Variants in RIC1 observed in about 807,000 individuals in gnomAD.
The protein encoded by RIC1 is RIC1 partner of RAB6A GEF complex, also known as guanine nucleotide exchange factor subunit RIC1.
In RIC1, 88 loss-of-function variants were observed where a neutral mutation model predicts 169.0. That is an observed-to-expected ratio of 0.52 (90% confidence interval 0.44 to 0.62). The LOEUF (loss-of-function observed/expected upper bound fraction) is 0.62. Among genes scored for constraint, RIC1 ranks in the 20% least tolerant of loss-of-function variants. The pLI is 0.00. For missense variants in RIC1, 1,877 were observed against 1,725.5 expected, an observed-to-expected ratio of 1.09 and a Z score of -1.56; for synonymous variants, 790 against 601.5, an observed-to-expected ratio of 1.31 and a Z score of -4.59.
intron 2 of RIC1, among the ~76,000 whole-genome samples, chr9:5,684,186 G>C (rs910591000): frequency 7.6e-5 from 11 of 143,988 alleles, no homozygotes; most frequent in African/African-American, 1.8e-4. Flanking sequence ...CGGCATCTCA[G>C]TTGTAAATGC....
chr9:5,707,966 C>T (rs575705815), intron 3 of RIC1, among the ~76,000 whole-genome samples: 3 of 151,980 alleles, frequency 2.0e-5, no homozygotes, highest in Admixed American at 2.0e-4. Flanking sequence ...TCCACTGCTG[C>T]CTTTTTGTTG....
intron 12 of RIC1, among the ~76,000 whole-genome samples, chr9:5,752,638 G>A (rs1825790822): frequency 6.6e-6 from 1 of 152,080 alleles, no homozygotes; most frequent in African/African-American, 2.4e-5. Flanking sequence ...ATTTCGCCAT[G>A]TTGGTCAGGC....
At chr9:5,736,228 A>G (rs1335819817) in intron 7 of RIC1, among the ~76,000 whole-genome samples, 2 of 152,226 alleles carry the variant, frequency 1.3e-5, no homozygotes, top group African/African-American at 4.8e-5. Context: ...TCTCTCAGCA[A>G]GAGTTGATCT....
At chr9:5,738,259 G>T (rs960848813) in intron 7 of RIC1, among the ~76,000 whole-genome samples, 191 bp from the exon 8 acceptor site, 2 of 152,064 alleles carry the variant, frequency 1.3e-5, no homozygotes, top group Admixed American at 1.3e-4. Flanking sequence ...TAATTTCTGG[G>T]ATATATCTGG....
chr9:5,762,863 A>G (rs943614334), intron 18 of RIC1, among the ~76,000 whole-genome samples: 2 of 152,224 alleles, frequency 1.3e-5, no homozygotes, highest in African/African-American at 2.4e-5. Flanking sequence ...TCCATACTCC[A>G]TATGTTAACT....
chr9:5,678,101 GT>G (rs1001073323), intron 2 of RIC1, among the ~76,000 whole-genome samples: 3 of 151,170 alleles, frequency 2.0e-5, no homozygotes, highest in Non-Finnish European at 4.4e-5. Context: ...TGCGGTGTTT[GT>G]TTTTTTGTCC....
chr9:5,679,650 T>C lies in RIC1; in HGVS notation c.253-10309T>C, dbSNP rs566793892. The stretch of plus-strand genomic sequence containing the variant: ...GATTTGGCTCTGTGTTTGTCTGTTA[T>C]TGGTGTATAAGAATGCTTGTGATTT... On this transcript the variant is annotated intron_variant, in intron 2 of 25. Coordinates refer to ENST00000414202, the MANE Select transcript of RIC1 (RefSeq NM_020829.4). Among the ~76,000 whole-genome samples the C allele has an allele frequency of 4.4e-3, 664 of 152,328 alleles. 4 individuals carry two copies. The highest frequency in any genetic ancestry group is 7.3e-3 in the Non-Finnish European group (496 of 68,026).
At position 5,711,205 on chromosome 9, in the gene RIC1, A is replaced by G. The variant is rs553537870; in HGVS notation, c.333-2691A>G. ...GAGCTAGTCTGTGAATAGGAATGTCATTGAACTCCACAGCCACACTTGAGA... is the reference window on the plus strand; with the variant it reads ...GAGCTAGTCTGTGAATAGGAATGTCGTTGAACTCCACAGCCACACTTGAGA... On this transcript the variant is annotated intron_variant, in intron 3 of 25. Coordinates refer to ENST00000414202, the MANE Select transcript of RIC1 (RefSeq NM_020829.4). Among the ~76,000 whole-genome samples, 3 of 152,300 alleles carry G rather than the reference A, an allele frequency of 2.0e-5. 1 individual carries two copies. The South Asian group carries it at 6.2e-4, about 32-fold the overall frequency.
intron 1 of RIC1, among the ~76,000 whole-genome samples, chr9:5,632,688 G>T (rs745685441): frequency 2.0e-5 from 3 of 152,132 alleles, no homozygotes; most frequent in Non-Finnish European, 4.4e-5. Context: ...ATTGTAAAAG[G>T]ACTAGTTTCA....
intron 3 of RIC1, among the ~76,000 whole-genome samples, chr9:5,690,656 T>C (rs528703272): frequency 2.2e-4 from 34 of 151,634 alleles, no homozygotes; most frequent in South Asian, 1.2e-3. Context: ...CAAAGTTTAA[T>C]AGGTATATAA....
intron 3 of RIC1, among the ~76,000 whole-genome samples, chr9:5,705,621 CTT>C (rs547824604): frequency 5.3e-4 from 81 of 152,100 alleles, no homozygotes; most frequent in Admixed American, 9.2e-4. Context: ...TGTTGGATGA[CTT>C]TTCTTTTTCT....
At position 5,756,914 on chromosome 9, in the gene RIC1, G is replaced by C. The variant is rs560741384; in HGVS notation, c.1854-399G>C. ...CTCTTGAGTTTTATTTTTGTTCTCA[G>C]AGGTTAATTGAAGTATGTATTTACT... On this transcript the variant is annotated intron_variant, in intron 16 of 25. Coordinates refer to ENST00000414202, the MANE Select transcript of RIC1 (RefSeq NM_020829.4). Among the ~76,000 whole-genome samples, 5 of 152,278 alleles carry C rather than the reference G, an allele frequency of 3.3e-5. No individual in the cohort carries two copies. In the East Asian group the frequency reaches 9.6e-4, roughly 29 times the overall value.
At position 5,763,974 on chromosome 9, in the gene RIC1, C is replaced by CA; in HGVS notation, c.2841+109dup. 7.9e-7 allele frequency: 1 copy of CA among 1,271,738 alleles called. No individual in the cohort carries two copies. Among genetic ancestry groups the CA allele is most frequent in the East Asian group, 2.3e-5 (1 of 42,612 alleles). The allele number at this position is 1,271,738 out of a possible 1,614,324, so 78.8% of individuals were successfully genotyped here. On this transcript the variant is annotated intron_variant, in intron 19 of 25. Coordinates refer to ENST00000414202, the MANE Select transcript of RIC1 (RefSeq NM_020829.4). The surrounding 1 kb of genome is among the most constrained non-coding windows in gnomAD (Gnocchi z 5.2). ...TGATTGTGTTTAAGGAATTCATAGT[C>CA]AAATTTTCTGTTTATATCTTTAATT...
At chr9:5,648,784 T>G (rs1037329827) in intron 1 of RIC1, among the ~76,000 whole-genome samples, 1 of 152,246 alleles carries the variant, frequency 6.6e-6, no homozygotes, top group Non-Finnish European at 1.5e-5. Flanking sequence ...TCTTTTGATG[T>G]ACCTGTTGGC....
At chr9:5,691,576 T>C (rs1821592378) in intron 3 of RIC1, among the ~76,000 whole-genome samples, 1 of 152,002 alleles carries the variant, frequency 6.6e-6, no homozygotes, top group African/African-American at 2.4e-5. Flanking sequence ...AACATCATGA[T>C]GTATTTAGAA....
intron 2 of RIC1, among the ~76,000 whole-genome samples, chr9:5,689,615 A>G (rs567786739): frequency 2.4e-4 from 37 of 152,340 alleles, no homozygotes; most frequent in African/African-American, 8.2e-4. Context: ...TAAACTTAGA[A>G]TAATAATTTG....
chr9:5,738,336 A>G (rs923236504), intron 7 of RIC1, 114 bp from the exon 8 acceptor site: 15 of 679,250 alleles, frequency 2.2e-5, no homozygotes, highest in African/African-American at 3.7e-5. Flanking sequence ...CTTATTGACA[A>G]AGTGGTTTTG....
At chr9:5,715,727 T>C (rs1748947928) in intron 4 of RIC1, among the ~76,000 whole-genome samples, 1 of 152,190 alleles carries the variant, frequency 6.6e-6, no homozygotes. Flanking sequence ...TAACTTTTGT[T>C]ATTAATTGAG....
chr9:5,719,014 T>C (rs1016929397), intron 4 of RIC1: 15 of 152,210 alleles, frequency 9.9e-5, no homozygotes, highest in Non-Finnish European at 1.6e-4. Flanking sequence ...TTCAGAAATA[T>C]GCTCTTAAGT....
Sources: gnomAD v4.1 joint callset for allele counts (sites outside exome capture counted in the v4.1 genomes callset) on GRCh38, gnomAD v4.1.1 for gene constraint, Gnocchi (gnomAD v3.1) non-coding constraint, MANE v1.5 for transcripts, NCBI Gene and HGNC (gene_info 2026-07-23, HGNC 2026-07-21) for gene names.